CACNA2D3: variants seen among roughly 807,000 people sequenced by gnomAD.
The protein encoded by CACNA2D3 is voltage-dependent calcium channel subunit alpha-2/delta-3.
Under a neutral mutation model 160.6 loss-of-function variants are expected in CACNA2D3, and 60 were observed. The ratio of observed to expected loss-of-function variants is 0.37; its 90% CI spans 0.30 to 0.46. CACNA2D3 has a LOEUF of 0.46. Ranked by LOEUF, CACNA2D3 falls within the 20% of genes least tolerant of loss-of-function variation. CACNA2D3 has a pLI of 1.00. For synonymous variants in CACNA2D3, 558 were observed against 492.9 expected, an observed-to-expected ratio of 1.13 and a Z score of -1.75; for missense variants, 1,205 against 1,365.0, an observed-to-expected ratio of 0.88 and a Z score of 1.85.
In CACNA2D3 at chr3:54,810,941, T is replaced by C. The variant is rs568223661; in HGVS notation, c.1381-5912T>C. ...GGGCCTCAGATCTCTTCCTCACATC[T>C]CCTTTGTGCCTCACCTATTGTTCCT... On this transcript the variant is annotated intron_variant, in intron 13 of 37. Coordinates refer to ENST00000474759, the MANE Select transcript of CACNA2D3 (RefSeq NM_018398.3). Among the ~76,000 whole-genome samples, 18 of 152,328 alleles carry C rather than the reference T, an allele frequency of 1.2e-4. No individual in the cohort carries two copies. The East Asian group carries it at 3.5e-3, about 29-fold the overall frequency.
intron 27 of CACNA2D3, chr3:54,918,659 C>T (rs1032519205): frequency 6.2e-7 from 1 of 1,614,064 alleles, no homozygotes; most frequent in Non-Finnish European, 8.5e-7. Context: ...CGCAGGTTGG[C>T]CGGCCTTGGC....
chr3:54,235,762 T>C (rs897265717), intron 2 of CACNA2D3, among the ~76,000 whole-genome samples: 36 of 152,244 alleles, frequency 2.4e-4, no homozygotes, highest in African/African-American at 8.4e-4. Flanking sequence ...TATGTATAAA[T>C]AGGGGGGCAG....
At chr3:54,336,793 A>T in intron 3 of CACNA2D3, among the ~76,000 whole-genome samples, 1 of 152,190 alleles carries the variant, frequency 6.6e-6, no homozygotes, top group East Asian at 1.9e-4. Context: ...ACTGATCTTG[A>T]GCGAAACAAT....
chr3:54,596,296 A>T (rs911712047), intron 9 of CACNA2D3, among the ~76,000 whole-genome samples: 1 of 152,054 alleles, frequency 6.6e-6, no homozygotes, highest in African/African-American at 2.4e-5. Flanking sequence ...CTTGGTGCAG[A>T]GTTCCATTCC....
intron 4 of CACNA2D3, among the ~76,000 whole-genome samples, chr3:54,474,363 A>T (rs1324927857): frequency 6.6e-6 from 1 of 151,740 alleles, no homozygotes; most frequent in African/African-American, 2.4e-5. Flanking sequence ...ACACATGGAC[A>T]CAGGGAGGGG....
At position 54,943,711 on chromosome 3, in the gene CACNA2D3, T is replaced by C. The variant is rs535864214; in HGVS notation, c.2450-24739T>C. ...ACTACTATTTTCTAAATGTTTGGTATTTCTGCCTATTTCATCTTGCTTTGG... is the reference window on the plus strand; with the variant it reads ...ACTACTATTTTCTAAATGTTTGGTACTTCTGCCTATTTCATCTTGCTTTGG... On this transcript the variant is annotated intron_variant, in intron 27 of 37. Transcript: ENST00000474759. 4.6e-5 allele frequency among the ~76,000 whole-genome samples: 7 copies of C among 152,296 alleles called. No homozygotes were observed. In the South Asian group the frequency reaches 8.3e-4, roughly 18 times the overall value.
intron 27 of CACNA2D3, among the ~76,000 whole-genome samples, chr3:54,916,157 T>G (rs1049722884): frequency 6.6e-6 from 1 of 152,142 alleles, no homozygotes; most frequent in African/African-American, 2.4e-5. Flanking sequence ...AAGTGGCTCA[T>G]GGGGTGGGTG....
chr3:54,525,190 C>T (rs1701706254), intron 5 of CACNA2D3, among the ~76,000 whole-genome samples: 1 of 151,868 alleles, frequency 6.6e-6, no homozygotes, highest in African/African-American at 2.4e-5. Context: ...TTATTTATTC[C>T]TGTGGATTTC....
chr3:54,666,812 G>A (rs368932002), intron 11 of CACNA2D3, among the ~76,000 whole-genome samples: 25 of 152,324 alleles, frequency 1.6e-4, no homozygotes, highest in East Asian at 1.9e-4. Flanking sequence ...CTGGTAGTAC[G>A]AGGGGAACTT....
rs548867849 is a variant in CACNA2D3 at position 54,727,288 on chromosome 3, A to G, written c.1168-25311A>G. On this transcript the variant is annotated intron_variant, in intron 11 of 37. Transcript: ENST00000474759. ...GTGGGAGAGGATGTGGAGAAATAGGAACGCTCTTACACTGTTGGTGGGAGT... is the reference window on the plus strand; with the variant it reads ...GTGGGAGAGGATGTGGAGAAATAGGGACGCTCTTACACTGTTGGTGGGAGT... Among the ~76,000 whole-genome samples the G allele has an allele frequency of 3.9e-5, 6 of 152,340 alleles. No individual in the cohort carries two copies. The East Asian group carries it at 1.2e-3, about 29-fold the overall frequency.
At chr3:54,857,018 C>T (rs571292546) in intron 17 of CACNA2D3, among the ~76,000 whole-genome samples, 6 of 152,124 alleles carry the variant, frequency 3.9e-5, no homozygotes, top group Non-Finnish European at 8.8e-5. Context: ...TGAGCTCAGG[C>T]AAGCCACCTG....
At chr3:54,993,852 C>T (rs894211972) in intron 31 of CACNA2D3, among the ~76,000 whole-genome samples, 1 of 145,842 alleles carries the variant, frequency 6.9e-6, no homozygotes, top group Admixed American at 6.8e-5. Context: ...CTCTCTCTCT[C>T]TCTTTTTTTT....
chr3:54,414,589 T>A (rs1444610602), intron 4 of CACNA2D3, among the ~76,000 whole-genome samples: 2 of 152,106 alleles, frequency 1.3e-5, no homozygotes, highest in Admixed American at 1.3e-4. Flanking sequence ...ACTCTGGTCT[T>A]TTTATTCCTA....
intron 16 of CACNA2D3, among the ~76,000 whole-genome samples, chr3:54,841,976 A>G (rs1055608722): frequency 5.3e-5 from 8 of 152,234 alleles, no homozygotes; most frequent in African/African-American, 1.9e-4. Context: ...ATGGCACTGT[A>G]CATTAGAATG....
At chr3:54,538,021 G>A (rs1701915753) in intron 5 of CACNA2D3, among the ~76,000 whole-genome samples, 1 of 152,144 alleles carries the variant, frequency 6.6e-6, no homozygotes, top group South Asian at 2.1e-4. Flanking sequence ...TCACCCAGGA[G>A]TGCTCCACCC....
intron 27 of CACNA2D3, among the ~76,000 whole-genome samples, chr3:54,903,208 C>T (rs767672148): frequency 2.0e-5 from 3 of 152,160 alleles, no homozygotes; most frequent in Non-Finnish European, 2.9e-5. Flanking sequence ...CCTCCTCCCA[C>T]CCTCCACCCT....
At chr3:54,746,337 T>C (rs1701753118) in intron 11 of CACNA2D3, among the ~76,000 whole-genome samples, 2 of 152,206 alleles carry the variant, frequency 1.3e-5, no homozygotes, top group South Asian at 4.1e-4. Flanking sequence ...TGTGAAGATA[T>C]AGATTAAGAA....
intron 13 of CACNA2D3, among the ~76,000 whole-genome samples, chr3:54,766,184 C>T (rs1702220291): frequency 2.0e-5 from 3 of 151,626 alleles, no homozygotes; most frequent in Non-Finnish European, 2.9e-5. Context: ...TAAGCAAAGC[C>T]AAAAGACAAA....
chr3:54,745,648 A>G (rs1701740963), intron 11 of CACNA2D3, among the ~76,000 whole-genome samples: 1 of 152,176 alleles, frequency 6.6e-6, no homozygotes, highest in Non-Finnish European at 1.5e-5. Flanking sequence ...TTACTGCTCC[A>G]TTGAGCTGTA....
Sources: gnomAD v4.1 joint callset for allele counts (sites outside exome capture counted in the v4.1 genomes callset) on GRCh38, gnomAD v4.1.1 for gene constraint, MANE v1.5 for transcripts, NCBI Gene and HGNC (gene_info 2026-07-23, HGNC 2026-07-21) for gene names.